CORO2B: variants seen among roughly 807,000 people sequenced by gnomAD.
CORO2B encodes the protein coronin-2B.
CORO2B carries 26 observed loss-of-function variants against 58.8 expected under a neutral mutation model. The observed-to-expected ratio is 0.44, with a 90% CI of 0.32 to 0.61. CORO2B has a LOEUF of 0.61. CORO2B is among the 20% of genes least tolerant of loss of function. CORO2B has a pLI of 0.04. For missense variants in CORO2B, 460 were observed against 645.1 expected, an observed-to-expected ratio of 0.71 and a Z score of 3.11; for synonymous variants, 242 against 253.8, an observed-to-expected ratio of 0.95 and a Z score of 0.44.
At chr15:68,585,089 A>G (rs1899517986) in intron 1 of CORO2B, among the ~76,000 whole-genome samples, 2 of 152,166 alleles carry the variant, frequency 1.3e-5, no homozygotes, top group African/African-American at 4.8e-5. Flanking sequence ...CAATTAATTA[A>G]TGTAGCAATG....
At chr15:68,718,677 C>T in intron 8 of CORO2B, 21 bp from the exon 9 acceptor site, 2 of 1,599,096 alleles carry the variant, frequency 1.3e-6, no homozygotes, top group East Asian at 4.5e-5. Context: ...CCCCATGGAG[C>T]CACATGTGTG....
At chr15:68,564,647 T>C in the CORO2B span, among the ~76,000 whole-genome samples, 1 of 152,156 alleles carries the variant, frequency 6.6e-6, no homozygotes, top group East Asian at 1.9e-4. Context: ...CTGGTATAGT[T>C]TGTATCTTAG....
chr15:68,599,662 G>T (rs1225109473), intron 1 of CORO2B, among the ~76,000 whole-genome samples: 3 of 152,112 alleles, frequency 2.0e-5, no homozygotes, highest in Non-Finnish European at 4.4e-5. Flanking sequence ...AGGAGGGAAT[G>T]CACTCTCCAC....
chr15:68,526,780 T>C, the CORO2B span, among the ~76,000 whole-genome samples: 1 of 152,206 alleles, frequency 6.6e-6, no homozygotes, highest in Non-Finnish European at 1.5e-5. Flanking sequence ...TTTATTAAAA[T>C]ATAGTGTCTT....
At chr15:68,672,313 GC>G (rs1902430163) in intron 2 of CORO2B, among the ~76,000 whole-genome samples, 2 of 151,928 alleles carry the variant, frequency 1.3e-5, no homozygotes, top group East Asian at 3.9e-4. Context: ...ATAGCTCACT[GC>G]AGCCTCAGTC....
At chr15:68,605,722 T>TGG (rs1445992148) in intron 1 of CORO2B, among the ~76,000 whole-genome samples, 1 of 128,634 alleles carries the variant, frequency 7.8e-6, no homozygotes, top group African/African-American at 2.8e-5. Context: ...TTTTTTTTTT[T>TGG]TTTTTTTTTT....
At chr15:68,616,760 G>T in intron 1 of CORO2B, 2 of 307,796 alleles carry the variant, frequency 6.5e-6, no homozygotes, top group Non-Finnish European at 9.5e-6. Flanking sequence ...TCTCATGGGG[G>T]AGACAGACAG....
At chr15:68,531,099 A>G in the CORO2B span, among the ~76,000 whole-genome samples, 1 of 152,196 alleles carries the variant, frequency 6.6e-6, no homozygotes, top group Admixed American at 6.5e-5. Context: ...CATACAATCC[A>G]TGACCCTTAC....
At chr15:68,578,955 C>T (rs1365202803), upstream of CORO2B, 2 of 876,568 alleles carry the variant, frequency 2.3e-6, no homozygotes, top group East Asian at 1.2e-4. This position sits in a 1 kb window ranked among gnomAD's most constrained non-coding sequence, Gnocchi z 4.2. Context: ...TCTTCCTCCC[C>T]CCGCCCCCCA....
At chr15:68,633,466 G>A (rs937096652) in intron 1 of CORO2B, among the ~76,000 whole-genome samples, 1 of 150,986 alleles carries the variant, frequency 6.6e-6, no homozygotes, top group Non-Finnish European at 1.5e-5. Context: ...AGCTGGTGAG[G>A]CCCCTTGAAT....
upstream of CORO2B, among the ~76,000 whole-genome samples, chr15:68,576,169 A>AGAAAGAAAG (rs1555409372): frequency 4.6e-5 from 4 of 87,278 alleles, no homozygotes; most frequent in African/African-American, 2.4e-4. Context: ...AAAAAAAAAA[A>AGAAAGAAAG]AAAAAAAGAA....
intron 2 of CORO2B, among the ~76,000 whole-genome samples, chr15:68,691,929 C>T (rs183399773): frequency 6.6e-6 from 1 of 152,174 alleles, no homozygotes; most frequent in African/African-American, 2.4e-5. Context: ...ACTTAATGCA[C>T]ACAGCTCTGC....
intron 1 of CORO2B, among the ~76,000 whole-genome samples, chr15:68,580,272 C>T (rs1051013278): frequency 2.6e-5 from 4 of 152,350 alleles, no homozygotes; most frequent in African/African-American, 9.6e-5. Flanking sequence ...CGGGCTTGGC[C>T]GTCCATTCAA....
chr15:68,711,556 C>A lies in CORO2B; in HGVS notation c.498C>A (p.Asn166Lys). Residue 166 changes from asparagine to lysine, a missense_variant, in exon 5 of 12, where the codon AAC (asparagine) becomes AAA (lysine). Coordinates refer to ENST00000261861, the MANE Select transcript of CORO2B (RefSeq NM_006091.5). ...AGYDYKVLIW[N>K]LDVGEPVKMI... ...TGCCCTCGCAGGTCCTCATCTGGAA[C>A]CTGGATGTGGGTGAGCCGGTGAAGA... is the stretch of plus-strand genomic sequence containing the variant. The A allele has an allele frequency of 6.2e-7, 1 of 1,612,272 alleles. No homozygotes were observed. The highest frequency in any genetic ancestry group is 8.5e-7 in the Non-Finnish European group (1 of 1,178,834).
the CORO2B span, among the ~76,000 whole-genome samples, chr15:68,549,953 A>AAATAAATAAATAAAT: frequency 3.2e-3 from 459 of 144,570 alleles, 2 homozygotes; most frequent in African/African-American, 0.011. Context: ...AAAATAAAAT[A>AAATAAATAAATAAAT]AAATAAATAA....
At chr15:68,700,150 C>G (rs1892606251) in intron 3 of CORO2B, among the ~76,000 whole-genome samples, 1 of 152,144 alleles carries the variant, frequency 6.6e-6, no homozygotes, top group South Asian at 2.1e-4. Flanking sequence ...TCCACCCATT[C>G]CAGCTGGAAT....
At chr15:68,630,226 C>A (rs1218010455) in intron 1 of CORO2B, among the ~76,000 whole-genome samples, 1 of 152,192 alleles carries the variant, frequency 6.6e-6, no homozygotes, top group Non-Finnish European at 1.5e-5. Flanking sequence ...TTGCTGGACC[C>A]AGGGGATGCT....
At chr15:68,654,039 A>G (rs1014785171) in intron 2 of CORO2B, among the ~76,000 whole-genome samples, 1 of 152,188 alleles carries the variant, frequency 6.6e-6, no homozygotes, top group African/African-American at 2.4e-5. Flanking sequence ...GACAGCCTGA[A>G]TGTACAGTAA....
the CORO2B span, among the ~76,000 whole-genome samples, chr15:68,572,879 G>C: frequency 6.6e-6 from 1 of 152,298 alleles, no homozygotes; most frequent in East Asian, 1.9e-4. Flanking sequence ...AGATTCTAGG[G>C]GAGCAGCCCT....
Sources: allele counts gnomAD v4.1 joint callset (sites outside exome capture counted in the v4.1 genomes callset), GRCh38; gene constraint gnomAD v4.1.1; non-coding constraint Gnocchi (gnomAD v3.1); transcripts MANE v1.5; gene names NCBI Gene and HGNC (gene_info 2026-07-23, HGNC 2026-07-21).